The following PTPRG variants were observed in gnomAD, a reference collection of about 807,000 sequenced individuals.
The protein encoded by PTPRG is protein tyrosine phosphatase receptor type G.
In PTPRG, 102 loss-of-function variants were observed where a neutral mutation model predicts 165.3. The observed-to-expected ratio is 0.62, with a 90% CI of 0.53 to 0.73. The LOEUF is 0.73. Ranked by LOEUF, PTPRG falls within the 30% of genes least tolerant of loss-of-function variation. The pLI, the probability that PTPRG is intolerant of heterozygous loss-of-function variation, is 0.00. For missense variants in PTPRG, 1,866 were observed against 1,861.4 expected, an observed-to-expected ratio of 1.00 and a Z score of -0.05; for synonymous variants, 675 against 669.5, an observed-to-expected ratio of 1.01 and a Z score of -0.13.
intron 2 of PTPRG, among the ~76,000 whole-genome samples, chr3:61,968,167 C>G (rs940023222): frequency 6.6e-6 from 1 of 152,172 alleles, no homozygotes; most frequent in Non-Finnish European, 1.5e-5. Context: ...TTGGCTAATA[C>G]AATGGTCTGA....
At chr3:62,076,800 C>T (rs1055550761) in intron 4 of PTPRG, among the ~76,000 whole-genome samples, 7 of 152,088 alleles carry the variant, frequency 4.6e-5, no homozygotes, top group South Asian at 2.1e-4. Flanking sequence ...AGGCTGGTCT[C>T]GAACTCCCGA....
intron 8 of PTPRG, among the ~76,000 whole-genome samples, chr3:62,171,261 G>T (rs1281350210): frequency 6.6e-6 from 1 of 152,042 alleles, no homozygotes; most frequent in Non-Finnish European, 1.5e-5. Flanking sequence ...TCTCTATTGG[G>T]CATACACCCA....
chr3:62,137,475 C>A (rs1703753437), intron 6 of PTPRG, among the ~76,000 whole-genome samples: 1 of 152,144 alleles, frequency 6.6e-6, no homozygotes, highest in Admixed American at 6.5e-5. Context: ...TTAGGTTGTG[C>A]AGCATGTGGT....
chr3:61,915,938 A>C (rs1010390357), intron 2 of PTPRG, among the ~76,000 whole-genome samples: 1 of 152,234 alleles, frequency 6.6e-6, no homozygotes, highest in Admixed American at 6.5e-5. Context: ...ATTGCAGCCC[A>C]TTCCTGAATT....
chr3:61,565,789 G>C (rs1005453259), intron 1 of PTPRG, among the ~76,000 whole-genome samples: 2 of 151,294 alleles, frequency 1.3e-5, no homozygotes, highest in Non-Finnish European at 2.9e-5. Flanking sequence ...AATGTCGGGT[G>C]AATCATGAAT....
At chr3:61,713,470 C>T (rs531397205) in intron 1 of PTPRG, among the ~76,000 whole-genome samples, 6 of 152,120 alleles carry the variant, frequency 3.9e-5, no homozygotes, top group African/African-American at 9.6e-5. Flanking sequence ...TGCACCCGGG[C>T]TGAAACATCA....
intron 2 of PTPRG, among the ~76,000 whole-genome samples, chr3:61,952,582 T>G (rs2039926597): frequency 6.6e-6 from 1 of 152,142 alleles, no homozygotes; most frequent in Non-Finnish European, 1.5e-5. Context: ...ATTAAAGCCC[T>G]TATCACCTAC....
At chr3:62,162,251 A>G (rs554931603) in intron 7 of PTPRG, among the ~76,000 whole-genome samples, 7 of 152,296 alleles carry the variant, frequency 4.6e-5, no homozygotes, top group Non-Finnish European at 7.4e-5. Context: ...AATGATTTAT[A>G]TACACTTCGA....
chr3:61,879,979 A>G (rs1156708457), intron 2 of PTPRG, among the ~76,000 whole-genome samples: 1 of 152,256 alleles, frequency 6.6e-6, no homozygotes, highest in Non-Finnish European at 1.5e-5. Context: ...GGTTTTTCAC[A>G]TGAAGTATTC....
intron 2 of PTPRG, among the ~76,000 whole-genome samples, chr3:61,791,547 G>T (rs572709029): frequency 1.2e-4 from 19 of 152,338 alleles, no homozygotes; most frequent in Non-Finnish European, 2.1e-4. Context: ...GAGTGCAGTG[G>T]TGCTATCTCG....
intron 2 of PTPRG, among the ~76,000 whole-genome samples, chr3:61,920,031 C>T (rs530304537): frequency 6.6e-5 from 10 of 152,186 alleles, no homozygotes; most frequent in Non-Finnish European, 1.2e-4. Flanking sequence ...TTACCCATAA[C>T]CAGCTACAGA....
intron 2 of PTPRG, among the ~76,000 whole-genome samples, chr3:61,910,763 C>T (rs1433945914): frequency 6.6e-6 from 1 of 152,168 alleles, no homozygotes; most frequent in African/African-American, 2.4e-5. Context: ...CCCCACAGAA[C>T]CCCCTGCCTC....
chr3:62,230,212 AT>A (rs1326232703), intron 13 of PTPRG, among the ~76,000 whole-genome samples: 6 of 152,304 alleles, frequency 3.9e-5, no homozygotes, highest in African/African-American at 1.4e-4. Flanking sequence ...GAGTCTAATA[AT>A]TAATACAATC....
At position 62,219,342 on chromosome 3, in the gene PTPRG, G is replaced by A. The variant is rs1003163757; in HGVS notation, c.2288+359G>A. 1.3e-5 allele frequency among the ~76,000 whole-genome samples: 2 copies of A among 152,210 alleles called. No individual in the cohort carries two copies. The highest frequency in any genetic ancestry group is 4.8e-5 in the African/African-American group (2 of 41,450). ...AATGAGTTAACAAGTCATAGCATTTGCAGTTTTTCTGAGATGATGCTTACT... is the reference window on the plus strand; with the variant it reads ...AATGAGTTAACAAGTCATAGCATTTACAGTTTTTCTGAGATGATGCTTACT... On this transcript the variant is annotated intron_variant, in intron 13 of 29. Coordinates refer to ENST00000474889, the MANE Select transcript of PTPRG (RefSeq NM_002841.4). This position sits in a 1 kb window ranked among gnomAD's most constrained non-coding sequence, Gnocchi z 4.5.
At chr3:61,992,956 C>G (rs1240113610) in intron 3 of PTPRG, among the ~76,000 whole-genome samples, 1 of 152,178 alleles carries the variant, frequency 6.6e-6, no homozygotes, top group African/African-American at 2.4e-5. Flanking sequence ...CATGAGCCAC[C>G]ATGCTTGGCT....
intron 5 of PTPRG, among the ~76,000 whole-genome samples, chr3:62,087,038 A>G (rs1240671719): frequency 1.3e-5 from 2 of 152,226 alleles, no homozygotes; most frequent in Non-Finnish European, 2.9e-5. Context: ...GGACGTTACC[A>G]AGTACTTTGC....
intron 3 of PTPRG, among the ~76,000 whole-genome samples, chr3:61,997,881 A>G (rs2041076936): frequency 6.6e-6 from 1 of 152,094 alleles, no homozygotes; most frequent in Non-Finnish European, 1.5e-5. Context: ...TCCCAGGGCA[A>G]CCCTCTGATG....
intron 1 of PTPRG, among the ~76,000 whole-genome samples, chr3:61,733,807 A>G (rs761928630): frequency 6.6e-6 from 1 of 151,786 alleles, no homozygotes; most frequent in South Asian, 2.1e-4. Flanking sequence ...GTTTTGTTTT[A>G]TTTTATTTTG....
intron 1 of PTPRG, chr3:61,742,843 G>A (rs1482564059): frequency 3.8e-6 from 6 of 1,583,642 alleles, no homozygotes; most frequent in Middle Eastern, 1.9e-4. Context: ...TTTTTTCAGC[G>A]CCTCGATGTC....
Sources: gnomAD v4.1 joint callset for allele counts (sites outside exome capture counted in the v4.1 genomes callset) on GRCh38, gnomAD v4.1.1 for gene constraint, Gnocchi (gnomAD v3.1) non-coding constraint, MANE v1.5 for transcripts, NCBI Gene and HGNC (gene_info 2026-07-23, HGNC 2026-07-21) for gene names.